The following CEP295NL variants were observed in gnomAD, a reference collection of about 807,000 sequenced individuals.
CEP295NL encodes the protein protein DDC8 homolog.
CEP295NL carries 3 observed loss-of-function variants against 4.6 expected under a neutral mutation model. That is an observed-to-expected ratio of 0.65 (90% CI 0.30 to 1.69). The LOEUF (loss-of-function observed/expected upper bound fraction) is 1.69. Ranked by LOEUF, CEP295NL falls within the 40% of genes most tolerant of loss-of-function variation. The probability of loss-of-function intolerance (pLI) is 0.10; values close to 1 mark genes in which losing one functional copy is unlikely to be tolerated. For missense variants in CEP295NL, 719 were observed against 769.0 expected (o/e 0.93, Z 0.77); for synonymous variants, 295 against 312.2 (o/e 0.94, Z 0.58).
intron 1 of CEP295NL, chr17:78,902,738 T>C (rs2070114416): frequency 6.6e-6 from 1 of 152,208 alleles, no homozygotes; most frequent in South Asian, 2.1e-4. Flanking sequence ...GGTGGCTCAC[T>C]AAACATACCT....
intron 2 of CEP295NL, among the ~76,000 whole-genome samples, chr17:78,892,973 A>C (rs2069925066): frequency 6.6e-6 from 1 of 152,146 alleles, no homozygotes; most frequent in African/African-American, 2.4e-5. Flanking sequence ...GTGGAAGTAA[A>C]AGAGGAAGTC....
At chr17:78,900,732 T>A (rs1003026883) in intron 2 of CEP295NL, among the ~76,000 whole-genome samples, 4 of 152,106 alleles carry the variant, frequency 2.6e-5, no homozygotes, top group African/African-American at 9.7e-5. Flanking sequence ...TAGAGGTTTT[T>A]AACAGCTTGC....
intron 2 of CEP295NL, among the ~76,000 whole-genome samples, chr17:78,895,123 A>C (rs1027597362): frequency 6.6e-6 from 1 of 152,218 alleles, no homozygotes; most frequent in East Asian, 1.9e-4. Flanking sequence ...TCTACTAAAA[A>C]TACAAAAATT....
rs2069889549 is a variant in CEP295NL at position 78,891,324 on chromosome 17, T to C, written c.1180A>G (p.Lys394Glu). 1 of 1,550,406 alleles carries C rather than the reference T, an allele frequency of 6.4e-7. No individual in the cohort carries two copies. Reference sequence around the variant, plus strand: ...GGCAGCATCTCTGGGTCTGCCATTTTCTTCCCTCTTGGGGTCCCAGCGCCA... The same window carrying C: ...GGCAGCATCTCTGGGTCTGCCATTTCCTTCCCTCTTGGGGTCCCAGCGCCA... ...ECGAGTPRGKKMADPEMLPAG... is the reference protein window; with the variant it reads ...ECGAGTPRGKEMADPEMLPAG... The change falls in exon 3 of 3, where the codon AAA (lysine) becomes GAA (glutamate). Residue 394 changes from lysine to glutamate, a missense_variant. Coordinates refer to ENST00000322630, the MANE Select transcript of CEP295NL (RefSeq NM_001243540.2). This position sits in a 1 kb window ranked among gnomAD's most constrained non-coding sequence, Gnocchi z 4.5.
rs2069913490 is a variant in CEP295NL, at chr17:78,892,319, G to C, written c.185C>G (p.Ala62Gly). The change falls in exon 3 of 3, where the codon GCC (alanine) becomes GGC (glycine). Residue 62 changes from alanine to glycine, a missense_variant. Physicochemically the swap from Ala to Gly is moderately conservative, Grantham distance 60. Transcript: ENST00000322630. Reference protein sequence around the residue: ...FADRNRNMDGAMWLSLCPDNE... With the variant: ...FADRNRNMDGGMWLSLCPDNE... ...ATCAGGACAGAGGCTCAGCCACATG[G>C]CTCCATCCATGTTTCTGTTCCTGTC... 13 of 1,550,652 alleles carry C rather than the reference G, an allele frequency of 8.4e-6. No individual in the cohort carries two copies. The highest frequency in any genetic ancestry group is 1.1e-5 in the Non-Finnish European group (13 of 1,147,024).
intron 2 of CEP295NL, among the ~76,000 whole-genome samples, chr17:78,894,557 G>GT (rs1179865481): frequency 2.0e-5 from 3 of 152,204 alleles, no homozygotes; most frequent in South Asian, 4.1e-4. Context: ...GGAAAGAATA[G>GT]TTTTTTTGTT....
rs889445682 is a variant in CEP295NL at position 78,891,950 on chromosome 17, C to G, written c.554G>C (p.Gly185Ala). Residue 185 changes from glycine (G) to alanine (A), a missense_variant, in exon 3 of 3, where the codon GGC (glycine) becomes GCC (alanine). Physicochemically the swap from Gly to Ala is moderately conservative, Grantham distance 60. Transcript: ENST00000322630. This position sits in a 1 kb window ranked among gnomAD's most constrained non-coding sequence, Gnocchi z 4.5. ...CCTGGAGTGCCTGGGGTGTTGCTGGCCCAACTCTTCCCTGCAACTCCTCTC... is the reference window on the plus strand; with the variant it reads ...CCTGGAGTGCCTGGGGTGTTGCTGGGCCAACTCTTCCCTGCAACTCCTCTC... ...SEERSCREELGQQHPRHSRPR... is the reference protein window; with the variant it reads ...SEERSCREELAQQHPRHSRPR... 1.3e-6 allele frequency: 2 copies of G among 1,550,444 alleles called. No individual in the cohort carries two copies. The highest frequency in any genetic ancestry group is 2.7e-5 in the African/African-American group (2 of 73,028).
In CEP295NL at chr17:78,896,756, C is replaced by T. The variant is rs1372935737; in HGVS notation, c.45-4297G>A. Reference sequence around the variant, plus strand: ...AGGCGAGTGGACACCAATCTGGCCTCCGGACGGCACCAGGGCCTCCCACAG... The same window carrying T: ...AGGCGAGTGGACACCAATCTGGCCTTCGGACGGCACCAGGGCCTCCCACAG... On this transcript the variant is annotated intron_variant, in intron 2 of 2. Transcript: ENST00000322630. The surrounding 1 kb of genome is among the most constrained non-coding windows in gnomAD (Gnocchi z 4.4). Among the ~76,000 whole-genome samples the T allele has an allele frequency of 6.6e-6, 1 of 152,148 alleles. No individual in the cohort carries two copies. The highest frequency in any genetic ancestry group is 1.5e-5 in the Non-Finnish European group (1 of 68,012).
In CEP295NL at chr17:78,892,410, G is replaced by A. The variant is rs1480223216; in HGVS notation, c.94C>T (p.Pro32Ser). 1 of 1,550,326 alleles carries A rather than the reference G, an allele frequency of 6.5e-7. No individual in the cohort carries two copies. Among genetic ancestry groups the A allele is most frequent in the African/African-American group, 1.4e-5 (1 of 73,042 alleles). Reference protein sequence around the residue: ...GFCGSSGPGAPLEPSTLGSKH... With the variant: ...GFCGSSGPGASLEPSTLGSKH... ...GAGCCAAGAGTGGAGGGTTCAAGGG[G>A]CGCCCCCGGGCCTGAGGAGCCACAG... The change falls in exon 3 of 3, where the codon CCC becomes TCC. Residue 32 changes from proline (P) to serine (S), a missense_variant. Transcript: ENST00000322630.
Position 78,890,737 on chromosome 17 carries a change from G to C in CEP295NL, c.1767C>G (p.Ile589Met). Reference sequence around the variant, plus strand: ...GTAAGATCTGCTGCTGCTGGTCTCGGATCATCTGACTGTGCCGGTCGTCGT... The same window carrying C: ...GTAAGATCTGCTGCTGCTGGTCTCGCATCATCTGACTGTGCCGGTCGTCGT... ...LADDDRHSQM[I>M]RDQQQQILQQ... is the part of the protein sequence containing the mutation. The change falls in exon 3 of 3, where the codon ATC becomes ATG. Residue 589 changes from isoleucine to methionine, a missense_variant. Coordinates refer to ENST00000322630, the MANE Select transcript of CEP295NL (RefSeq NM_001243540.2). The C allele has an allele frequency of 6.4e-7, 1 of 1,550,658 alleles. No homozygotes were observed. The highest frequency in any genetic ancestry group is 8.7e-7 in the Non-Finnish European group (1 of 1,147,014).
rs371895057 is a variant in CEP295NL, at chr17:78,902,756, G to A, written c.-99+378C>T. On this transcript the variant is annotated intron_variant, in intron 1 of 2. Transcript: ENST00000322630. ...GGCTCACTAAACATACCTCGACAGC[G>A]TCCATTACCGCTTCCCTGCAAACCT... 3.6e-3 allele frequency: 555 copies of A among 152,364 alleles called. 1 individual carries two copies. The highest frequency in any genetic ancestry group is 6.0e-3 in the Non-Finnish European group (409 of 68,070). The allele number at this position is 152,364 out of a possible 1,614,324, so 9.4% of individuals were successfully genotyped here.
At chr17:78,893,429 A>AGG (rs2069947190) in intron 2 of CEP295NL, among the ~76,000 whole-genome samples, 5 of 47,192 alleles carry the variant, frequency 1.1e-4, no homozygotes, top group African/African-American at 2.4e-4. Flanking sequence ...GTGTGTGTGC[A>AGG]GGGGTGTGTG....
intron 2 of CEP295NL, among the ~76,000 whole-genome samples, chr17:78,895,216 G>A (rs1190311311): frequency 6.6e-6 from 1 of 152,160 alleles, no homozygotes; most frequent in Non-Finnish European, 1.5e-5. Context: ...GGGAGGCAGA[G>A]GTTGCAATGA....
Position 78,891,827 on chromosome 17 carries a change from C to CT in CEP295NL, c.676dup (p.Arg226LysfsTer90). On this transcript the variant is annotated frameshift_variant, in exon 3 of 3. Coordinates refer to ENST00000322630, the MANE Select transcript of CEP295NL (RefSeq NM_001243540.2). LOFTEE classifies it low-confidence loss of function (END_TRUNC). This position sits in a 1 kb window ranked among gnomAD's most constrained non-coding sequence, Gnocchi z 4.5. ...CCCAGACTTGGTCGAAGGTTCTGGCCTTCCCTTTCTCTTCTCAGGCGGGGC... is the reference window on the plus strand; with the variant it reads ...CCCAGACTTGGTCGAAGGTTCTGGCCTTTCCCTTTCTCTTCTCAGGCGGGGC... The CT allele has an allele frequency of 1.3e-6, 2 of 1,550,852 alleles. No homozygotes were observed. Among genetic ancestry groups the CT allele is most frequent in the Non-Finnish European group, 1.7e-6 (2 of 1,147,046 alleles).
chr17:78,890,891 A>C lies in CEP295NL; in HGVS notation c.1613T>G (p.Leu538Arg), dbSNP rs1263272133. ...TCTTTGCTCCCTCCTCTCTTTTTCT[A>C]GCTCAGCTTTGTAGTGGATTTCCAA... ...MSLEIHYKAE[L>R]EKERREQRRA... Residue 538 changes from leucine (L) to arginine (R), a missense_variant, in exon 3 of 3, where the codon CTA becomes CGA. Coordinates refer to ENST00000322630, the MANE Select transcript of CEP295NL (RefSeq NM_001243540.2). 2.6e-6 allele frequency: 4 copies of C among 1,550,274 alleles called. No homozygotes were observed. The highest frequency in any genetic ancestry group is 3.9e-5 in the Admixed American group (2 of 50,952).
chr17:78,895,976 C>T (rs1300893957), intron 2 of CEP295NL, among the ~76,000 whole-genome samples: 2 of 152,368 alleles, frequency 1.3e-5, no homozygotes, highest in East Asian at 3.9e-4. Context: ...CCGTGCCAGC[C>T]CCACTGGCGT....
chr17:78,893,503 A>G (rs1385196235), intron 2 of CEP295NL, among the ~76,000 whole-genome samples: 1 of 148,096 alleles, frequency 6.8e-6, no homozygotes, highest in Non-Finnish European at 1.5e-5. Context: ...GTGTGCGCGC[A>G]GGGGTGTGTG....
chr17:78,895,963 AC>A (rs2069992610), intron 2 of CEP295NL, among the ~76,000 whole-genome samples: 1 of 152,168 alleles, frequency 6.6e-6, no homozygotes. Flanking sequence ...ACCTCAGTGC[AC>A]CCCGTGCCAG....
rs1015158276 is a variant in CEP295NL at position 78,896,930 on chromosome 17, C to T, written c.45-4471G>A. 9.1e-6 allele frequency: 9 copies of T among 985,244 alleles called. No individual in the cohort carries two copies. The South Asian group carries it at 2.3e-4, about 26-fold the overall frequency. 61.0% of individuals were successfully genotyped at this position (985,244 alleles called of 1,614,324 possible). A position where few individuals can be genotyped will look rare whatever the true frequency, so the allele number is the denominator to read the frequency against. ...ATGTGCTTGGCCACCAGATTCCCAG[C>T]GATTCTCACCAAAGTCAGGCAACCT... On this transcript the variant is annotated intron_variant, in intron 2 of 2. Coordinates refer to ENST00000322630, the MANE Select transcript of CEP295NL (RefSeq NM_001243540.2). This position sits in a 1 kb window ranked among gnomAD's most constrained non-coding sequence, Gnocchi z 4.4.
Sources: gnomAD v4.1 joint callset for allele counts (sites outside exome capture counted in the v4.1 genomes callset) on GRCh38, gnomAD v4.1.1 for gene constraint, Gnocchi (gnomAD v3.1) non-coding constraint, MANE v1.5 for transcripts, NCBI Gene and HGNC (gene_info 2026-07-23, HGNC 2026-07-21) for gene names.